Variants in LOXL4 observed in about 807,000 individuals in gnomAD.
LOXL4 encodes the protein lysyl oxidase like 4, also known as lysyl oxidase homolog 4.
LOXL4 carries 72 observed loss-of-function variants against 89.1 expected under a neutral mutation model. The observed-to-expected ratio is 0.81, with a 90% CI of 0.67 to 0.98. LOXL4 has a LOEUF of 0.98. LOXL4 is among the 50% of genes least tolerant of loss of function. The pLI, the probability that LOXL4 is intolerant of heterozygous loss-of-function variation, is 0.00. For synonymous variants in LOXL4, 355 were observed against 392.1 expected, an observed-to-expected ratio of 0.91 and a Z score of 1.12; for missense variants, 984 against 1,017.5, an observed-to-expected ratio of 0.97 and a Z score of 0.45.
chr10:98,262,195 T>C lies in LOXL4; in HGVS notation c.296A>G (p.Asn99Ser). Residue 99 changes from asparagine (N) to serine (S), a missense_variant, in exon 3 of 15, where the codon AAT (asparagine) becomes AGT (serine). Physicochemically the swap from Asn to Ser is conservative, Grantham distance 46. Transcript: ENST00000260702. The part of the protein sequence containing the change: ...GQGEGPIWLD[N>S]VRCVGTESSL... ...GCTCTCTGTGCCCACACAGCGCACA[T>C]TGTCCAGCCAGATGGGTCCTGTGGA... The C allele has an allele frequency of 1.2e-6, 2 of 1,613,642 alleles. No homozygotes were observed.
At position 98,256,898 on chromosome 10, in the gene LOXL4, T is replaced by C. The variant is rs1590879576; in HGVS notation, c.1310A>G (p.Gln437Arg). Residue 437 changes from glutamine (Q) to arginine (R), a missense_variant, in exon 9 of 15, where the codon CAG becomes CGG. By Grantham distance (43) the Gln-to-Arg change is conservative. Coordinates refer to ENST00000260702, the MANE Select transcript of LOXL4 (RefSeq NM_032211.7). ...GCGTGGGACCCCGTTCACCTCCACC[T>C]GCACCTCCAATAGCCCCTCCTCAGG... is the stretch of plus-strand genomic sequence containing the variant. ...RIPEEGLLEV[Q>R]VEVNGVPRWG... is the part of the protein sequence containing the mutation. 1 of 1,614,136 alleles carries C rather than the reference T, an allele frequency of 6.2e-7. No homozygotes were observed. The highest frequency in any genetic ancestry group is 1.3e-5 in the African/African-American group (1 of 75,066).
intron 1 of LOXL4, among the ~76,000 whole-genome samples, chr10:98,264,830 C>T (rs903407319): frequency 6.7e-6 from 1 of 150,328 alleles, no homozygotes; most frequent in African/African-American, 2.5e-5. Flanking sequence ...GCTAAGAAAG[C>T]TCGTTCTGAT....
intron 1 of LOXL4, among the ~76,000 whole-genome samples, chr10:98,267,262 C>A (rs953682913): frequency 3.9e-5 from 6 of 151,970 alleles, no homozygotes; most frequent in African/African-American, 1.5e-4. Flanking sequence ...CCACCCTGTT[C>A]TGGTGGATTT....
chr10:98,253,711 G>A lies in LOXL4; in HGVS notation c.1677C>T (p.Ala559=). The change falls in exon 11 of 15, where the codon GCC becomes GCT. Residue 559 remains alanine (A), a synonymous_variant. Coordinates refer to ENST00000260702, the MANE Select transcript of LOXL4 (RefSeq NM_032211.7). ...EDRPLSQLYC[A]HEENCLSKSA... is the part of the protein sequence containing the mutation. ...ACTTGGAGAGGCAGTTCTCCTCGTG[G>A]GCACAATACAGCTGGCTGAGCGGGC... is the stretch of plus-strand genomic sequence containing the variant. 1.2e-6 allele frequency: 2 copies of A among 1,614,226 alleles called. No individual in the cohort carries two copies. Among genetic ancestry groups the A allele is most frequent in the Non-Finnish European group, 1.7e-6 (2 of 1,180,032 alleles).
intron 9 of LOXL4, chr10:98,255,975 A>C: frequency 2.1e-6 from 1 of 470,718 alleles, no homozygotes; most frequent in East Asian, 3.5e-5. Context: ...CGTGGCTTCC[A>C]CTACTGGCCC....
In LOXL4 at chr10:98,256,890, C is replaced by G; in HGVS notation, c.1318G>C (p.Val440Leu). The change falls in exon 9 of 15, where the codon GTG becomes CTG. Residue 440 changes from valine to leucine, a missense_variant. Val to Leu is a conservative substitution (Grantham distance 32). Coordinates refer to ENST00000260702, the MANE Select transcript of LOXL4 (RefSeq NM_032211.7). ...EEGLLEVQVE[V>L]NGVPRWGSVC... The stretch of plus-strand genomic sequence containing the variant: ...CTCCCCCAGCGTGGGACCCCGTTCA[C>G]CTCCACCTGCACCTCCAATAGCCCC... 2 of 1,614,234 alleles carry G rather than the reference C, an allele frequency of 1.2e-6. No individual in the cohort carries two copies. The highest frequency in any genetic ancestry group is 1.7e-6 in the Non-Finnish European group (2 of 1,180,044).
chr10:98,263,936 T>C (rs1391202546), intron 1 of LOXL4, among the ~76,000 whole-genome samples: 4 of 152,010 alleles, frequency 2.6e-5, no homozygotes, highest in Non-Finnish European at 4.4e-5. Context: ...TTTCACCATC[T>C]TGGCCACACT....
In LOXL4 at chr10:98,259,440, A is replaced by G. The variant is rs1184661403; in HGVS notation, c.663-11T>C. 1 of 1,612,428 alleles carries G rather than the reference A, an allele frequency of 6.2e-7. No homozygotes were observed. The highest frequency in any genetic ancestry group is 2.2e-5 in the East Asian group (1 of 44,864). ...AGATCCCAGACTTTCCTGTTATGGGAGAAAACAGATAGGAGGTGGAAGGGG... is the reference window on the plus strand; with the variant it reads ...AGATCCCAGACTTTCCTGTTATGGGGGAAAACAGATAGGAGGTGGAAGGGG... On this transcript the variant is annotated splice_polypyrimidine_tract_variant and intron_variant, in intron 4 of 14. Transcript: ENST00000260702.
rs1302435545 is a variant in LOXL4, at chr10:98,260,916, T to C, written c.662+6A>G. The C allele has an allele frequency of 1.2e-6, 2 of 1,606,408 alleles. No homozygotes were observed. The highest frequency in any genetic ancestry group is 2.3e-5 in the East Asian group (1 of 44,318). On this transcript the variant is annotated splice_donor_region_variant and intron_variant, in intron 4 of 14. Coordinates refer to ENST00000260702, the MANE Select transcript of LOXL4 (RefSeq NM_032211.7). Reference sequence around the variant, plus strand: ...CCTGTGGGGCCTACGCCAGCCGCCCTCCTACCTGTAGTAGTGGCTGTCGAC... The same window carrying C: ...CCTGTGGGGCCTACGCCAGCCGCCCCCCTACCTGTAGTAGTGGCTGTCGAC...
intron 4 of LOXL4, among the ~76,000 whole-genome samples, chr10:98,259,910 G>C (rs760791915): frequency 1.2e-3 from 187 of 152,302 alleles, no homozygotes; most frequent in Middle Eastern, 6.8e-3. Flanking sequence ...CCCAAGGATG[G>C]AGCCAGAGGC....
chr10:98,262,041 C>T lies in LOXL4; in HGVS notation c.450G>A (p.Gly150=), dbSNP rs200936865. Residue 150 remains glycine (G), a synonymous_variant, in exon 3 of 15, where the codon GGG becomes GGA. Coordinates refer to ENST00000260702, the MANE Select transcript of LOXL4 (RefSeq NM_032211.7). Reference sequence around the variant, plus strand: ...GCCTGAACAGCCTCCTCACCTGGGGCCCAAGGGCATTGGAGACAGTTTCAG... The same window carrying T: ...GCCTGAACAGCCTCCTCACCTGGGGTCCAAGGGCATTGGAGACAGTTTCAG... ...YLSETVSNAL[G]PQGRRLEEVR... is the part of the protein sequence containing the mutation. 1.7e-5 allele frequency: 28 copies of T among 1,607,846 alleles called. No individual in the cohort carries two copies. Among genetic ancestry groups the T allele is most frequent in the Non-Finnish European group, 2.4e-5 (28 of 1,176,872 alleles).
chr10:98,252,702 A>C (rs1440528322), intron 11 of LOXL4, among the ~76,000 whole-genome samples: 1 of 152,182 alleles, frequency 6.6e-6, no homozygotes, highest in African/African-American at 2.4e-5. Flanking sequence ...CAACCCAGGC[A>C]AGAGGTAGAA....
At chr10:98,256,038 T>G in intron 9 of LOXL4, 1 of 299,318 alleles carries the variant, frequency 3.3e-6, no homozygotes, top group Non-Finnish European at 6.2e-6. Context: ...CCCGCCCCTC[T>G]CCCTGGGGGC....
At chr10:98,258,476 C>G (rs1424385608) in intron 6 of LOXL4, among the ~76,000 whole-genome samples, 5 of 151,938 alleles carry the variant, frequency 3.3e-5, no homozygotes, top group Non-Finnish European at 7.4e-5. Context: ...GTCTGTACCA[C>G]CTCACGAGGC....
Position 98,262,850 on chromosome 10 carries a change from A to G in LOXL4, c.170T>C (p.Val57Ala). ...CTGGATAGCAAAGTTGTCATCACAC[A>G]CGGTGCCCCACTGGCCCTGGTGCAG... ...EVLHQGQWGT[V>A]CDDNFAIQEA... Residue 57 changes from valine to alanine, a missense_variant, in exon 2 of 15, where the codon GTG becomes GCG. By Grantham distance (64) the Val-to-Ala change is moderately conservative. Coordinates refer to ENST00000260702, the MANE Select transcript of LOXL4 (RefSeq NM_032211.7). The G allele has an allele frequency of 6.2e-7, 1 of 1,613,748 alleles. No homozygotes were observed. Among genetic ancestry groups the G allele is most frequent in the South Asian group, 1.1e-5 (1 of 91,086 alleles).
intron 1 of LOXL4, among the ~76,000 whole-genome samples, chr10:98,263,732 C>CTTTTTTTTTTTTTTTTTTT (rs372675359): frequency 7.2e-6 from 1 of 138,868 alleles, no homozygotes; most frequent in Non-Finnish European, 1.6e-5. Context: ...TTCTTTCTTT[C>CTTTTTTTTTTTTTTTTTTT]TTTTTTTTTT....
chr10:98,262,712 G>A, intron 2 of LOXL4, 31 bp downstream of exon 2: 2 of 1,596,456 alleles, frequency 1.3e-6, no homozygotes, highest in Non-Finnish European at 1.7e-6. Flanking sequence ...CCATCTCCTT[G>A]CCATCCCACT....
intron 1 of LOXL4, 58 bp from the exon 2 acceptor site, chr10:98,263,109 G>T: frequency 6.9e-7 from 1 of 1,453,816 alleles, no homozygotes; most frequent in Non-Finnish European, 9.4e-7. Context: ...TCAGACCTCT[G>T]CAGCAATTTG....
At position 98,261,963 on chromosome 10, in the gene LOXL4, C is replaced by T. The variant is rs958945099; in HGVS notation, c.456+72G>A. On this transcript the variant is annotated intron_variant, in intron 3 of 14. Coordinates refer to ENST00000260702, the MANE Select transcript of LOXL4 (RefSeq NM_032211.7). ...CTTTCCCCTCGCTTATCCTCTAGGC[C>T]CGTCTTCTGGGAGGCTCTCTGTTCT... 9.6e-6 allele frequency: 14 copies of T among 1,455,544 alleles called. No individual in the cohort carries two copies. In the African/African-American group the frequency reaches 2.0e-4, roughly 21 times the overall value. 90.2% of individuals were successfully genotyped at this position (1,455,544 alleles called of 1,614,324 possible). A position where few individuals can be genotyped will look rare whatever the true frequency, so the allele number is the denominator to read the frequency against.
Sources: allele counts gnomAD v4.1 joint callset (sites outside exome capture counted in the v4.1 genomes callset), GRCh38; gene constraint gnomAD v4.1.1; transcripts MANE v1.5; gene names NCBI Gene and HGNC (gene_info 2026-07-23, HGNC 2026-07-21).